Variants in KDM7A observed in about 807,000 individuals in gnomAD.
KDM7A encodes lysine demethylase 7A.
Under a neutral mutation model 114.8 loss-of-function variants are expected in KDM7A, and 28 were observed. That is an observed-to-expected ratio of 0.24 (90% CI 0.18 to 0.33). The LOEUF is 0.33. Ranked by LOEUF, KDM7A falls within the 10% of genes least tolerant of loss-of-function variation. KDM7A has a pLI of 1.00. For synonymous variants in KDM7A, 423 were observed against 397.8 expected (o/e 1.06, Z -0.75); for missense variants, 942 against 1,142.5 (o/e 0.82, Z 2.53).
intron 1 of KDM7A, among the ~76,000 whole-genome samples, chr7:140,153,022 G>A (rs1794418233): frequency 1.3e-5 from 2 of 151,732 alleles, no homozygotes; most frequent in Admixed American, 6.6e-5. Flanking sequence ...ACCACACCCA[G>A]CTAATTTTTG....
Position 140,098,882 on chromosome 7 carries a change from T to G in KDM7A, c.1915A>C (p.Asn639His). The change falls in exon 14 of 20, where the codon AAT (asparagine) becomes CAT (histidine). Residue 639 changes from asparagine to histidine, a missense_variant. Physicochemically the swap from Asn to His is moderately conservative, Grantham distance 68 (BLOSUM62 1). Transcript: ENST00000397560. ...VEHEESQKPLNGFFTRVKSEL... is the reference protein window; with the variant it reads ...VEHEESQKPLHGFFTRVKSEL... ...AATAACCATTAAAAAAACATACCATTCAGTGGTTTTTGAGATTCTTCATGT... is the reference window on the plus strand; with the variant it reads ...AATAACCATTAAAAAAACATACCATGCAGTGGTTTTTGAGATTCTTCATGT... 6.2e-7 allele frequency: 1 copy of G among 1,608,158 alleles called. No individual in the cohort carries two copies. Among genetic ancestry groups the G allele is most frequent in the African/African-American group, 1.3e-5 (1 of 74,792 alleles).
chr7:140,171,304 CAAA>C (rs59757938), intron 1 of KDM7A, among the ~76,000 whole-genome samples: 3 of 127,880 alleles, frequency 2.3e-5, no homozygotes, highest in African/African-American at 8.3e-5. Context: ...ACTAAAAATA[CAAA>C]AAAAAAAAAA....
intron 15 of KDM7A, 120 bp from the exon 16 acceptor site, chr7:140,097,167 T>G: frequency 1.4e-6 from 1 of 719,892 alleles, no homozygotes; most frequent in South Asian, 2.0e-5. Flanking sequence ...CAGGGAATTA[T>G]TTCTGTAATT....
chr7:140,108,022 T>G (rs1251838109), intron 11 of KDM7A, among the ~76,000 whole-genome samples: 1 of 152,266 alleles, frequency 6.6e-6, no homozygotes, highest in East Asian at 1.9e-4. Flanking sequence ...TTCATTCATT[T>G]GATCTTCAAT....
chr7:140,092,168 A>G, intron 18 of KDM7A, 91 bp from the exon 19 acceptor site: 1 of 1,169,228 alleles, frequency 8.6e-7, no homozygotes, highest in Non-Finnish European at 1.2e-6. Flanking sequence ...AAGTGAGAGA[A>G]GAAACAAACT....
chr7:140,132,471 T>C (rs938420558), intron 3 of KDM7A, among the ~76,000 whole-genome samples: 4 of 152,078 alleles, frequency 2.6e-5, no homozygotes, highest in Admixed American at 1.3e-4. Context: ...TACATACCAT[T>C]TTAGGGAGCT....
Position 140,144,176 on chromosome 7 carries a change from T to C in KDM7A, c.195-4986A>G, listed in dbSNP as rs944458851. Among the ~76,000 whole-genome samples, 12 of 152,356 alleles carry C rather than the reference T, an allele frequency of 7.9e-5. No homozygotes were observed. In the South Asian group the frequency reaches 1.4e-3, roughly 18 times the overall value. ...CTGGCATAAGGATAGACACACCGAATAGAACTGAGAGTCCAGAAATAAACT... is the reference window on the plus strand; with the variant it reads ...CTGGCATAAGGATAGACACACCGAACAGAACTGAGAGTCCAGAAATAAACT... On this transcript the variant is annotated intron_variant, in intron 1 of 19. Transcript: ENST00000397560.
Position 140,091,017 on chromosome 7 carries a change from G to C in KDM7A, c.*77C>G. 1.0e-6 allele frequency: 1 copy of C among 999,288 alleles called. No individual in the cohort carries two copies. The highest frequency in any genetic ancestry group is 1.6e-6 in the Non-Finnish European group (1 of 624,092). The allele number at this position is 999,288 out of a possible 1,614,324, so 61.9% of individuals were successfully genotyped here. ...TATACACACAAACTGCTCCAGGCAG[G>C]GGGACAGCGGAAGCTCCAGGCTCCT... On this transcript the variant is annotated 3_prime_UTR_variant, in exon 20 of 20. Coordinates refer to ENST00000397560, the MANE Select transcript of KDM7A (RefSeq NM_030647.2).
chr7:140,166,227 A>G (rs1303847028), intron 1 of KDM7A, among the ~76,000 whole-genome samples: 2 of 152,168 alleles, frequency 1.3e-5, no homozygotes, highest in Non-Finnish European at 2.9e-5. Context: ...AGATCTAAGG[A>G]AGAAAACTAT....
At chr7:140,171,578 TATA>T (rs1794641659) in intron 1 of KDM7A, among the ~76,000 whole-genome samples, 1 of 144,210 alleles carries the variant, frequency 6.9e-6, no homozygotes, top group South Asian at 2.1e-4. Flanking sequence ...TTTATATATA[TATA>T]TTTTTATATA....
intron 9 of KDM7A, among the ~76,000 whole-genome samples, chr7:140,114,183 C>T (rs920835205): frequency 1.3e-5 from 2 of 152,104 alleles, no homozygotes; most frequent in African/African-American, 2.4e-5. Context: ...CCTCCCCCTT[C>T]CCCTCCCCTT....
At chr7:140,102,485 C>T (rs752284938) in intron 11 of KDM7A, among the ~76,000 whole-genome samples, 4 of 151,948 alleles carry the variant, frequency 2.6e-5, no homozygotes, top group Admixed American at 6.6e-5. Context: ...TGAGCTCAAG[C>T]GATCCTCCTA....
At chr7:140,111,816 A>C (rs1962782) in intron 10 of KDM7A, among the ~76,000 whole-genome samples, 1 of 151,868 alleles carries the variant, frequency 6.6e-6, no homozygotes, top group Non-Finnish European at 1.5e-5. Flanking sequence ...AAACTAAGCC[A>C]GGCGTGGAAT....
chr7:140,090,945 GA>G lies in KDM7A; in HGVS notation c.*148del. The G allele has an allele frequency of 1.6e-6, 1 of 631,904 alleles. No individual in the cohort carries two copies. Among genetic ancestry groups the G allele is most frequent in the Non-Finnish European group, 2.9e-6 (1 of 349,770 alleles). The allele number at this position is 631,904 out of a possible 1,614,324, so 39.1% of individuals were successfully genotyped here. On this transcript the variant is annotated 3_prime_UTR_variant, in exon 20 of 20. Transcript: ENST00000397560. ...TATTGCTGAGTGGGTGTGGCACAGT[GA>G]AAATGCAGCATCAGGTTCATTCTGT... is the stretch of plus-strand genomic sequence containing the variant.
At position 140,088,657 on chromosome 7, in the gene KDM7A, G is replaced by C. The variant is rs1194194497; in HGVS notation, c.*2437C>G. 5.1e-6 allele frequency: 2 copies of C among 394,610 alleles called. No homozygotes were observed. The highest frequency in any genetic ancestry group is 4.1e-5 in the African/African-American group (2 of 48,504). 24.4% of individuals were successfully genotyped at this position (394,610 alleles called of 1,614,324 possible). A position where few individuals can be genotyped will look rare whatever the true frequency, so the allele number is the denominator to read the frequency against. On this transcript the variant is annotated 3_prime_UTR_variant, in exon 20 of 20. Coordinates refer to ENST00000397560, the MANE Select transcript of KDM7A (RefSeq NM_030647.2). ...CCGAATTTTCACCAATTCAGAAAAA[G>C]ACACATGGATTCTATTCAAGTGGTT...
chr7:140,167,776 A>G, intron 1 of KDM7A, among the ~76,000 whole-genome samples: 1 of 152,086 alleles, frequency 6.6e-6, no homozygotes, highest in East Asian at 1.9e-4. Context: ...ATATGACTAC[A>G]TATTTCTTAA....
intron 18 of KDM7A, among the ~76,000 whole-genome samples, chr7:140,093,460 A>G (rs1818056091): frequency 6.6e-6 from 1 of 152,010 alleles, no homozygotes; most frequent in African/African-American, 2.4e-5. Context: ...TGGGGTAGAG[A>G]GGTTTGGGGC....
chr7:140,102,822 C>CT (rs1818255229), intron 11 of KDM7A, among the ~76,000 whole-genome samples: 1 of 152,180 alleles, frequency 6.6e-6, no homozygotes, highest in Admixed American at 6.5e-5. Flanking sequence ...TTAAGAATTA[C>CT]TTTTTAAACT....
intron 1 of KDM7A, among the ~76,000 whole-genome samples, chr7:140,161,617 GGCTCACTGCAACCTCTGCCTCCC>G (rs1794520196): frequency 2.6e-5 from 4 of 151,304 alleles, no homozygotes; most frequent in Admixed American, 2.6e-4. Context: ...GCGTGATCTC[GGCTCACTGCAACCTCTGCCTCCC>G]AGGTTCAAGC....
Sources: allele counts gnomAD v4.1 joint callset (sites outside exome capture counted in the v4.1 genomes callset), GRCh38; gene constraint gnomAD v4.1.1; transcripts MANE v1.5; gene names NCBI Gene and HGNC (gene_info 2026-07-23, HGNC 2026-07-21).